FIGN: variants seen among roughly 807,000 people sequenced by gnomAD.
FIGN encodes fidgetin, microtubule severing factor.
FIGN carries 11 observed loss-of-function variants against 51.3 expected under a neutral mutation model. That is an observed-to-expected ratio of 0.21 (90% CI 0.13 to 0.35). The LOEUF is 0.35. Ranked by LOEUF, FIGN falls within the 10% of genes least tolerant of loss-of-function variation. The probability of loss-of-function intolerance (pLI) is 1.00; values close to 1 mark genes in which losing one functional copy is unlikely to be tolerated. For synonymous variants in FIGN, 407 were observed against 363.2 expected (o/e 1.12, Z -1.37); for missense variants, 857 against 943.6 (o/e 0.91, Z 1.20).
intron 2 of FIGN, among the ~76,000 whole-genome samples, chr2:163,704,656 T>TCTCTCTCTCTCTCTCACA (rs72286438): frequency 7.7e-6 from 1 of 129,710 alleles, no homozygotes; most frequent in East Asian, 2.2e-4. Flanking sequence ...TCTCTCTCTC[T>TCTCTCTCTCTCTCTCACA]CACACACACA....
chr2:163,662,780 C>T (rs772856046), intron 2 of FIGN, among the ~76,000 whole-genome samples: 38 of 152,274 alleles, frequency 2.5e-4, no homozygotes, highest in South Asian at 2.1e-3. Context: ...GGACCTGAAT[C>T]GGGGGAGGTA....
intron 2 of FIGN, among the ~76,000 whole-genome samples, chr2:163,624,735 G>A (rs932849634): frequency 3.4e-5 from 5 of 147,330 alleles, no homozygotes; most frequent in South Asian, 2.1e-4. Flanking sequence ...ACAAGCTGTC[G>A]TAATTGAAAT....
chr2:163,633,100 C>T (rs911293016), intron 2 of FIGN, among the ~76,000 whole-genome samples: 12 of 152,054 alleles, frequency 7.9e-5, no homozygotes, highest in African/African-American at 2.7e-4. Flanking sequence ...GGGAGGATTG[C>T]TTGAGCCTGG....
At chr2:163,620,901 G>T (rs1043100187) in intron 2 of FIGN, among the ~76,000 whole-genome samples, 3 of 146,450 alleles carry the variant, frequency 2.0e-5, no homozygotes, top group Non-Finnish European at 3.0e-5. Flanking sequence ...CTATCTAAAT[G>T]CAAAGCCCAA....
At chr2:163,648,772 C>T (rs1179932383) in intron 2 of FIGN, among the ~76,000 whole-genome samples, 2 of 152,154 alleles carry the variant, frequency 1.3e-5, no homozygotes, top group Non-Finnish European at 2.9e-5. Context: ...GCTCCCATAC[C>T]GTAAACACTT....
rs1691035969 is a variant in FIGN, at chr2:163,604,231, A to C, written c.*5321T>G. The C allele has an allele frequency of 6.6e-6, 1 of 152,086 alleles. No homozygotes were observed. The highest frequency in any genetic ancestry group is 2.4e-5 in the African/African-American group (1 of 41,432). 9.4% of individuals were successfully genotyped at this position (152,086 alleles called of 1,614,324 possible). The stretch of plus-strand genomic sequence containing the variant: ...GCTGAGGGTGTCAGTCAAAATATAA[A>C]AATGTTGTTTGAATTTGTTTGTCTT... On this transcript the variant is annotated 3_prime_UTR_variant, in exon 3 of 3. Transcript: ENST00000333129.
intron 2 of FIGN, among the ~76,000 whole-genome samples, chr2:163,627,879 C>T (rs772824486): frequency 2.6e-5 from 4 of 152,130 alleles, no homozygotes; most frequent in Admixed American, 6.6e-5. Flanking sequence ...TTGGCTTTAG[C>T]ATGTGGGCCA....
chr2:163,604,868 T>C lies in FIGN; in HGVS notation c.*4684A>G, dbSNP rs1691052625. 7.3e-6 allele frequency: 1 copy of C among 137,192 alleles called. No homozygotes were observed. Among genetic ancestry groups the C allele is most frequent in the South Asian group, 2.5e-4 (1 of 4,038 alleles). 8.5% of individuals were successfully genotyped at this position (137,192 alleles called of 1,614,324 possible). ...AGGAGAGGGATGGAGAGAAGAATGG[T>C]TGGGGAATGGGGGTAAAAGAGAGAG... is the stretch of plus-strand genomic sequence containing the variant. On this transcript the variant is annotated 3_prime_UTR_variant, in exon 3 of 3. Coordinates refer to ENST00000333129, the MANE Select transcript of FIGN (RefSeq NM_018086.4).
intron 2 of FIGN, among the ~76,000 whole-genome samples, chr2:163,652,796 A>T (rs143169869): frequency 1.6e-3 from 251 of 152,270 alleles, no homozygotes; most frequent in African/African-American, 5.3e-3. Flanking sequence ...CGTCCAAAAA[A>T]ACAAAACAGA....
At chr2:163,653,898 A>G (rs1345679061) in intron 2 of FIGN, among the ~76,000 whole-genome samples, 11 of 152,146 alleles carry the variant, frequency 7.2e-5, no homozygotes, top group Non-Finnish European at 2.9e-5. Flanking sequence ...CAGAAAAGCA[A>G]TAGGATTTTT....
Position 163,735,075 on chromosome 2 carries a change from A to G in FIGN, c.-145-3T>C. 1 of 607,418 alleles carries G rather than the reference A, an allele frequency of 1.6e-6. No homozygotes were observed. Among genetic ancestry groups the G allele is most frequent in the Non-Finnish European group, 2.8e-6 (1 of 357,554 alleles). The allele number at this position is 607,418 out of a possible 1,614,324, so 37.6% of individuals were successfully genotyped here. A position where few individuals can be genotyped will look rare whatever the true frequency, so the allele number is the denominator to read the frequency against. The stretch of plus-strand genomic sequence containing the variant: ...CTTTCGTCAGGTATTCATTTAACCT[A>G]CATGCATATAATTAAGGGGGAAAGC... On this transcript the variant is annotated splice_region_variant and splice_polypyrimidine_tract_variant and intron_variant, in intron 1 of 2. Coordinates refer to ENST00000333129, the MANE Select transcript of FIGN (RefSeq NM_018086.4).
chr2:163,699,710 G>C (rs1013388292), intron 2 of FIGN, among the ~76,000 whole-genome samples: 26 of 152,126 alleles, frequency 1.7e-4, no homozygotes, highest in Admixed American at 1.6e-3. Context: ...CTTAAGAAAG[G>C]AATCTTAATA....
At chr2:163,619,948 T>C (rs1167476324) in intron 2 of FIGN, among the ~76,000 whole-genome samples, 1 of 152,138 alleles carries the variant, frequency 6.6e-6, no homozygotes, top group Non-Finnish European at 1.5e-5. Context: ...TGTTTCTGTG[T>C]AAAATTTTTG....
chr2:163,642,046 T>C (rs895955917), intron 2 of FIGN, among the ~76,000 whole-genome samples: 1 of 152,252 alleles, frequency 6.6e-6, no homozygotes, highest in Non-Finnish European at 1.5e-5. Flanking sequence ...CCTAACCTGA[T>C]AGACTCATTT....
chr2:163,675,230 T>C (rs1336509613), intron 2 of FIGN, among the ~76,000 whole-genome samples: 3 of 152,240 alleles, frequency 2.0e-5, no homozygotes, highest in African/African-American at 4.8e-5. Context: ...CCATGTCCCT[T>C]GTTTTTAATT....
At chr2:163,657,500 CTG>C (rs72033079) in intron 2 of FIGN, among the ~76,000 whole-genome samples, 8,808 of 147,390 alleles carry the variant, frequency 0.06, 688 homozygotes, top group African/African-American at 0.19. Flanking sequence ...CAGAGGGAGT[CTG>C]TGTGTGTGTG....
In FIGN at chr2:163,606,724, A is replaced by C. The variant is rs1691120064; in HGVS notation, c.*2828T>G. 6.6e-6 allele frequency: 1 copy of C among 152,114 alleles called. No homozygotes were observed. Among genetic ancestry groups the C allele is most frequent in the African/African-American group, 2.4e-5 (1 of 41,422 alleles). 9.4% of individuals were successfully genotyped at this position (152,114 alleles called of 1,614,324 possible). A position where few individuals can be genotyped will look rare whatever the true frequency, so the allele number is the denominator to read the frequency against. On this transcript the variant is annotated 3_prime_UTR_variant, in exon 3 of 3. Transcript: ENST00000333129. ...AAAGAATCACAGGAGAGCACTATCT[A>C]CTCAAAGGTCAGCCATATCTCCTCC...
intron 2 of FIGN, among the ~76,000 whole-genome samples, chr2:163,660,662 T>C (rs955887111): frequency 2.3e-5 from 2 of 85,116 alleles, no homozygotes. Flanking sequence ...AAACTATATA[T>C]ACATATACAT....
Position 163,609,789 on chromosome 2 carries a change from G to A in FIGN, c.2043C>T (p.Leu681=), listed in dbSNP as rs201863762. 77 of 1,613,974 alleles carry A rather than the reference G, an allele frequency of 4.8e-5. No homozygotes were observed. The highest frequency in any genetic ancestry group is 6.3e-5 in the Non-Finnish European group (74 of 1,180,018). ...YCLNDKEFAL[L]VQRTEGFSGL... is the part of the protein sequence containing the mutation. Reference sequence around the variant, plus strand: ...CAGAAAAGCCTTCTGTGCGCTGGACGAGCAGTGCAAACTCCTTGTCATTGA... The same window carrying A: ...CAGAAAAGCCTTCTGTGCGCTGGACAAGCAGTGCAAACTCCTTGTCATTGA... The change falls in exon 3 of 3, where the codon CTC becomes CTT. Residue 681 remains leucine (L), a synonymous_variant. Transcript: ENST00000333129.
Sources: gnomAD v4.1 joint callset for allele counts (sites outside exome capture counted in the v4.1 genomes callset) on GRCh38, gnomAD v4.1.1 for gene constraint, MANE v1.5 for transcripts, NCBI Gene and HGNC (gene_info 2026-07-23, HGNC 2026-07-21) for gene names.